The following AKAP13 variants were observed in gnomAD, a reference collection of about 807,000 sequenced individuals.
AKAP13 encodes the protein A-kinase anchoring protein 13.
In AKAP13, 80 loss-of-function variants were observed where a neutral mutation model predicts 264.5. The ratio of observed to expected loss-of-function variants is 0.30; its 90% CI spans 0.25 to 0.36. The LOEUF (loss-of-function observed/expected upper bound fraction) is 0.36. Among genes scored for constraint, AKAP13 ranks in the 10% least tolerant of loss-of-function variants. The pLI, the probability that AKAP13 is intolerant of heterozygous loss-of-function variation, is 1.00. For synonymous variants in AKAP13, 1,380 were observed against 1,250.2 expected (o/e 1.10, Z -2.19); for missense variants, 3,712 against 3,435.2 (o/e 1.08, Z -2.01).
At chr15:85,500,013 G>A (rs1205092133) in intron 2 of AKAP13, among the ~76,000 whole-genome samples, 2 of 152,152 alleles carry the variant, frequency 1.3e-5, no homozygotes, top group African/African-American at 4.8e-5. Context: ...CTTTGGGAAA[G>A]GGTGTTGCCT....
intron 8 of AKAP13, among the ~76,000 whole-genome samples, chr15:85,599,188 A>G (rs1445007161): frequency 6.6e-6 from 1 of 152,206 alleles, no homozygotes; most frequent in Non-Finnish European, 1.5e-5. Flanking sequence ...TGAGTGAGGA[A>G]AAGGATTTAA....
chr15:85,421,588 C>T lies in AKAP13; in HGVS notation c.-12+40790C>T, dbSNP rs568405269. ...ATGGGTTTGTGTGTGCGCGTGTGCG[C>T]GCGCGCCTGTGCACACTCTCAACTT... On this transcript the variant is annotated intron_variant, in intron 1 of 36. Coordinates refer to ENST00000394518, the MANE Select transcript of AKAP13 (RefSeq NM_007200.5). 1.1e-4 allele frequency among the ~76,000 whole-genome samples: 16 copies of T among 152,286 alleles called. No individual in the cohort carries two copies. The South Asian group carries it at 2.9e-3, about 28-fold the overall frequency.
At chr15:85,538,977 C>G (rs924309053) in intron 4 of AKAP13, among the ~76,000 whole-genome samples, 1 of 150,578 alleles carries the variant, frequency 6.6e-6, no homozygotes, top group Admixed American at 6.6e-5. Flanking sequence ...ACTACAGGTG[C>G]CCGCCACCAC....
At chr15:85,471,233 C>T (rs1596283397) in intron 1 of AKAP13, among the ~76,000 whole-genome samples, 1 of 152,186 alleles carries the variant, frequency 6.6e-6, no homozygotes, top group Non-Finnish European at 1.5e-5. Context: ...CGGTGGCTCA[C>T]GTCTGTAATC....
chr15:85,590,871 T>C (rs2079552800), intron 8 of AKAP13, among the ~76,000 whole-genome samples: 1 of 152,208 alleles, frequency 6.6e-6, no homozygotes, highest in African/African-American at 2.4e-5. Context: ...GATCAGAGCC[T>C]GGCACAAAAT....
chr15:85,498,589 T>TGTCTTTG (rs1187277596), intron 2 of AKAP13, among the ~76,000 whole-genome samples: 2,451 of 15,664 alleles, frequency 0.16, 77 homozygotes, highest in African/African-American at 0.29. Flanking sequence ...AGGTTGATAC[T>TGTCTTTG]ATTGAAGCTT....
intron 1 of AKAP13, among the ~76,000 whole-genome samples, chr15:85,483,196 C>T (rs761484287): frequency 2.6e-5 from 4 of 152,150 alleles, no homozygotes; most frequent in African/African-American, 4.8e-5. Context: ...TTGCAAATCA[C>T]GAAACATCAG....
At chr15:85,545,712 C>T (rs1412047339) in intron 5 of AKAP13, among the ~76,000 whole-genome samples, 1 of 152,038 alleles carries the variant, frequency 6.6e-6, no homozygotes, top group African/African-American at 2.4e-5. Context: ...GGAAAGGGGG[C>T]GATTGTCCCA....
intron 8 of AKAP13, chr15:85,621,406 GATT>G (rs1161809226): frequency 6.6e-6 from 1 of 152,178 alleles, no homozygotes; most frequent in Admixed American, 6.5e-5. Context: ...TCAGAAATGT[GATT>G]TTCTCTGTGA....
At chr15:85,587,947 C>T (rs546031555) in intron 8 of AKAP13, among the ~76,000 whole-genome samples, 1 of 152,164 alleles carries the variant, frequency 6.6e-6, no homozygotes, top group Admixed American at 6.5e-5. Context: ...TGCACCCAGC[C>T]AGCTATTAAC....
At chr15:85,710,868 T>C (rs982908170) in intron 19 of AKAP13, among the ~76,000 whole-genome samples, 9 of 152,192 alleles carry the variant, frequency 5.9e-5, no homozygotes, top group Non-Finnish European at 1.2e-4. Flanking sequence ...TGTATTAGCT[T>C]AAAGGCAGCA....
intron 2 of AKAP13, among the ~76,000 whole-genome samples, chr15:85,497,945 T>TA (rs1326236243): frequency 6.6e-6 from 1 of 151,998 alleles, no homozygotes; most frequent in Admixed American, 6.6e-5. Flanking sequence ...ACTTCACCGT[T>TA]ACAGCACACA....
chr15:85,729,219 A>G lies in AKAP13; in HGVS notation c.7088-1294A>G, dbSNP rs57834404. ...GAGGCTGAGGCAGGAGAATCGCTTG[A>G]ACCCGGGAGGCAGAGGGAGGTAGAG... is the stretch of plus-strand genomic sequence containing the variant. On this transcript the variant is annotated intron_variant, in intron 29 of 36. Transcript: ENST00000394518. 4.7e-3 allele frequency among the ~76,000 whole-genome samples: 720 copies of G among 152,144 alleles called. 5 individuals are homozygous for G. The highest frequency in any genetic ancestry group is 0.016 in the African/African-American group (671 of 41,522).
At chr15:85,439,758 G>A (rs1567057795) in intron 1 of AKAP13, among the ~76,000 whole-genome samples, 1 of 141,640 alleles carries the variant, frequency 7.1e-6, no homozygotes, top group Non-Finnish European at 1.5e-5. Context: ...CTCATAGGTG[G>A]GAATTGAACA....
chr15:85,684,625 T>C (rs2084794030), intron 15 of AKAP13, 116 bp from the exon 16 acceptor site: 1 of 1,076,502 alleles, frequency 9.3e-7, no homozygotes, highest in Non-Finnish European at 1.3e-6. Flanking sequence ...ACCTGGGCGT[T>C]GTGGCATACT....
chr15:85,409,744 C>T (rs975909642), intron 1 of AKAP13, among the ~76,000 whole-genome samples: 3 of 150,830 alleles, frequency 2.0e-5, no homozygotes, highest in Non-Finnish European at 4.4e-5. Flanking sequence ...CATTCTCCTG[C>T]GTCAGCCTCC....
At chr15:85,674,356 G>A (rs546236709) in intron 14 of AKAP13, among the ~76,000 whole-genome samples, 2 of 152,256 alleles carry the variant, frequency 1.3e-5, no homozygotes, top group East Asian at 3.9e-4. Context: ...ATGTGTATAA[G>A]CTGTATATGA....
intron 1 of AKAP13, among the ~76,000 whole-genome samples, chr15:85,442,544 A>ATTATATATAATATATATTATAT (rs571143933): frequency 5.3e-5 from 7 of 131,576 alleles, no homozygotes; most frequent in African/African-American, 2.0e-4. Context: ...TATATATTAT[A>ATTATATATAATATATATTATAT]TATATATTTA....
rs1281527574 is a variant in AKAP13, at chr15:85,708,827, T to C, written c.5532+741T>C. 6.6e-6 allele frequency among the ~76,000 whole-genome samples: 1 copy of C among 152,194 alleles called. No homozygotes were observed. Among genetic ancestry groups the C allele is most frequent in the Non-Finnish European group, 1.5e-5 (1 of 68,034 alleles). Reference sequence around the variant, plus strand: ...CTTCGTCAGTCACCAAACACAGTTATCTAGTGCCATGACCTCAACCTGGAA... The same window carrying C: ...CTTCGTCAGTCACCAAACACAGTTACCTAGTGCCATGACCTCAACCTGGAA... On this transcript the variant is annotated intron_variant, in intron 18 of 36. Coordinates refer to ENST00000394518, the MANE Select transcript of AKAP13 (RefSeq NM_007200.5). The surrounding 1 kb of genome is among the most constrained non-coding windows in gnomAD (Gnocchi z 4.3).
Sources: allele counts gnomAD v4.1 joint callset (sites outside exome capture counted in the v4.1 genomes callset), GRCh38; gene constraint gnomAD v4.1.1; non-coding constraint Gnocchi (gnomAD v3.1); transcripts MANE v1.5; gene names NCBI Gene and HGNC (gene_info 2026-07-23, HGNC 2026-07-21).